Variants in PTPN5 observed in about 807,000 individuals in gnomAD.
The protein encoded by PTPN5 is protein tyrosine phosphatase non-receptor type 5, also known as tyrosine-protein phosphatase non-receptor type 5.
In PTPN5, 29 loss-of-function variants were observed where a neutral mutation model predicts 73.9. The ratio of observed to expected loss-of-function variants is 0.39; its 90% CI spans 0.29 to 0.54. The LOEUF is 0.54. Ranked by LOEUF, PTPN5 falls within the 20% of genes least tolerant of loss-of-function variation. PTPN5 has a pLI of 0.65. For missense variants in PTPN5, 652 were observed against 751.4 expected (o/e 0.87, Z 1.55); for synonymous variants, 267 against 304.7 (o/e 0.88, Z 1.29).
chr11:18,742,366 G>A lies in PTPN5; in HGVS notation c.621C>T (p.Asp207=), dbSNP rs1849404210. Residue 207 remains aspartate, a synonymous_variant, in exon 7 of 15, where the codon GAC becomes GAT. Transcript: ENST00000358540. The surrounding 1 kb of genome is among the most constrained non-coding windows in gnomAD (Gnocchi z 4.1). ...CAGGAGTCTCGGGCACCGGGTCGAGGTCCAGGAAGTCATCCTCGATCTTCT... is the reference window on the plus strand; with the variant it reads ...CAGGAGTCTCGGGCACCGGGTCGAGATCCAGGAAGTCATCCTCGATCTTCT... ...MEEKIEDDFL[D]LDPVPETPVF... 6.2e-7 allele frequency: 1 copy of A among 1,614,060 alleles called. No homozygotes were observed. Among genetic ancestry groups the A allele is most frequent in the Non-Finnish European group, 8.5e-7 (1 of 1,180,044 alleles).
At chr11:18,771,454 C>T (rs765687795) in intron 2 of PTPN5, among the ~76,000 whole-genome samples, 3 of 152,232 alleles carry the variant, frequency 2.0e-5, no homozygotes, top group Non-Finnish European at 2.9e-5. Context: ...CTCCCCCACA[C>T]ACCTGGTTCA....
At chr11:18,772,658 A>G (rs1176691991) in intron 1 of PTPN5, among the ~76,000 whole-genome samples, 1 of 152,224 alleles carries the variant, frequency 6.6e-6, no homozygotes, top group African/African-American at 2.4e-5. Flanking sequence ...GGGTAGGCCC[A>G]GCCTGCTGAG....
chr11:18,776,011 C>T lies in PTPN5; in HGVS notation c.-113-3940G>A, dbSNP rs145874949. Among the ~76,000 whole-genome samples the T allele has an allele frequency of 3.3e-3, 500 of 152,202 alleles. 4 individuals carry two copies. Among genetic ancestry groups the T allele is most frequent in the African/African-American group, 0.012 (485 of 41,516 alleles). ...TGGTCCTACCTGATTATAAATGGTGCGGCGGTCACGGACCCAAAAGATAGA... is the reference window on the plus strand; with the variant it reads ...TGGTCCTACCTGATTATAAATGGTGTGGCGGTCACGGACCCAAAAGATAGA... On this transcript the variant is annotated intron_variant, in intron 1 of 14. Transcript: ENST00000358540.
intron 1 of PTPN5, among the ~76,000 whole-genome samples, chr11:18,782,539 A>G (rs1199341820): frequency 6.6e-6 from 1 of 152,174 alleles, no homozygotes; most frequent in African/African-American, 2.4e-5. Context: ...CTTAAAAACT[A>G]TTTCATGACA....
chr11:18,765,804 C>T lies in PTPN5; in HGVS notation c.97+3G>A. 3 of 1,563,444 alleles carry T rather than the reference C, an allele frequency of 1.9e-6. No homozygotes were observed. The highest frequency in any genetic ancestry group is 1.7e-6 in the Non-Finnish European group (2 of 1,152,014). On this transcript the variant is annotated splice_donor_region_variant and intron_variant, in intron 3 of 14. Coordinates refer to ENST00000358540, the MANE Select transcript of PTPN5 (RefSeq NM_006906.2). ...GGAGGAGCTGGGTGCTGAGAAGACT[C>T]ACCCGGTAGCCTCTCACTGCAGCAC...
chr11:18,746,487 C>T (rs762546851), intron 3 of PTPN5, among the ~76,000 whole-genome samples: 26 of 151,858 alleles, frequency 1.7e-4, no homozygotes, highest in African/African-American at 2.2e-4. Context: ...CCACTGCGCC[C>T]GGCAGCTGTT....
rs141064154 is a variant in PTPN5 at position 18,743,368 on chromosome 11, T to C, written c.353A>G (p.Asn118Ser). The change falls in exon 5 of 15, where the codon AAC becomes AGC. Residue 118 changes from asparagine (N) to serine (S), a missense_variant. Transcript: ENST00000358540. ...GAGCGTCAGCAAAGAGGAGACGAGG[T>C]TTGTGGCGTTCTGTGACCAGATGTG... is the stretch of plus-strand genomic sequence containing the variant. ...YGHIWSQNAT[N>S]LVSSLLTLLK... The C allele has an allele frequency of 2.7e-5, 43 of 1,613,844 alleles. No individual in the cohort carries two copies. The African/African-American group carries it at 5.5e-4, about 21-fold the overall frequency.
At chr11:18,789,109 C>A (rs1171496399) in intron 1 of PTPN5, among the ~76,000 whole-genome samples, 1 of 152,090 alleles carries the variant, frequency 6.6e-6, no homozygotes, top group Non-Finnish European at 1.5e-5. Flanking sequence ...CCTTAAGAAT[C>A]CCATGTCCTT....
intron 3 of PTPN5, 137 bp from the exon 4 acceptor site, chr11:18,744,336 C>T (rs951232212): frequency 3.4e-5 from 21 of 624,426 alleles, no homozygotes; most frequent in Admixed American, 3.3e-4. Flanking sequence ...CAGTCACCCT[C>T]GATTAGCAAA....
At chr11:18,790,437 A>C (rs1467497625) in intron 1 of PTPN5, among the ~76,000 whole-genome samples, 2 of 152,168 alleles carry the variant, frequency 1.3e-5, no homozygotes, top group Non-Finnish European at 2.9e-5. Context: ...GAGGACACTC[A>C]GGCTCAGTGT....
chr11:18,751,997 G>A (rs769102522), intron 3 of PTPN5, among the ~76,000 whole-genome samples: 3 of 152,152 alleles, frequency 2.0e-5, no homozygotes, highest in East Asian at 1.9e-4. Flanking sequence ...TTGGGAGGCC[G>A]AGGCAGGTGG....
chr11:18,747,812 T>G (rs1446261324), intron 3 of PTPN5, among the ~76,000 whole-genome samples: 1 of 152,202 alleles, frequency 6.6e-6, no homozygotes, highest in Non-Finnish European at 1.5e-5. Flanking sequence ...TATAAAAAGA[T>G]AGCAAATACC....
Position 18,742,183 on chromosome 11 carries a change from G to A in PTPN5, c.725+79C>T. ...GCTCTGCCCTGGGCACCAGGAGTCA[G>A]AGTCAGGCATCCACTCTTCTGATCA... On this transcript the variant is annotated intron_variant, in intron 7 of 14. Coordinates refer to ENST00000358540, the MANE Select transcript of PTPN5 (RefSeq NM_006906.2). This position sits in a 1 kb window ranked among gnomAD's most constrained non-coding sequence, Gnocchi z 4.1. The A allele has an allele frequency of 1.9e-6, 3 of 1,576,018 alleles. No individual in the cohort carries two copies. The highest frequency in any genetic ancestry group is 2.6e-6 in the Non-Finnish European group (3 of 1,157,510).
chr11:18,792,275 C>A (rs1851964326), upstream of PTPN5: 1 of 152,446 alleles, frequency 6.6e-6, no homozygotes, highest in African/African-American at 2.4e-5. Flanking sequence ...TCATTGGGGG[C>A]ATGCCGTGGC....
At chr11:18,773,235 C>G (rs1052054037) in intron 1 of PTPN5, among the ~76,000 whole-genome samples, 1 of 151,548 alleles carries the variant, frequency 6.6e-6, no homozygotes, top group African/African-American at 2.4e-5. Flanking sequence ...GGACCAAAGG[C>G]CAAGTTCCTG....
At chr11:18,774,067 C>A (rs6483525) in intron 1 of PTPN5, among the ~76,000 whole-genome samples, 5 of 152,164 alleles carry the variant, frequency 3.3e-5, no homozygotes, top group African/African-American at 7.2e-5. Flanking sequence ...GAAGCCTTCC[C>A]TGGGGATAGG....
intron 1 of PTPN5, among the ~76,000 whole-genome samples, chr11:18,788,861 A>G (rs1444053252): frequency 1.3e-5 from 2 of 152,000 alleles, no homozygotes; most frequent in Non-Finnish European, 2.9e-5. Flanking sequence ...CAAAATGAGG[A>G]TGATAACACT....
chr11:18,761,593 G>A (rs965563393), intron 3 of PTPN5, among the ~76,000 whole-genome samples: 7 of 152,096 alleles, frequency 4.6e-5, no homozygotes, highest in Non-Finnish European at 7.4e-5. Flanking sequence ...CACAGGGGTG[G>A]GGAAGGCAGT....
At chr11:18,752,466 G>A (rs779964873) in intron 3 of PTPN5, among the ~76,000 whole-genome samples, 1 of 152,184 alleles carries the variant, frequency 6.6e-6, no homozygotes, top group Non-Finnish European at 1.5e-5. Flanking sequence ...ATGGGCAGGG[G>A]CTTTGAGGCT....
Sources: allele counts gnomAD v4.1 joint callset (sites outside exome capture counted in the v4.1 genomes callset), GRCh38; gene constraint gnomAD v4.1.1; non-coding constraint Gnocchi (gnomAD v3.1); transcripts MANE v1.5; gene names NCBI Gene and HGNC (gene_info 2026-07-23, HGNC 2026-07-21).